Variants in RIOK3 observed in about 807,000 individuals in gnomAD.
RIOK3 encodes serine/threonine-protein kinase RIO3.
RIOK3 carries 40 observed loss-of-function variants against 63.5 expected under a neutral mutation model. That is an observed-to-expected ratio of 0.63 (90% CI 0.49 to 0.82). The LOEUF is 0.82. RIOK3 is among the 40% of genes least tolerant of loss of function. The pLI, the probability that RIOK3 is intolerant of heterozygous loss-of-function variation, is 0.00. For synonymous variants in RIOK3, 193 were observed against 205.0 expected (o/e 0.94, Z 0.50); for missense variants, 557 against 637.0 (o/e 0.87, Z 1.35).
At chr18:23,465,435 T>C (rs2057400502) in intron 5 of RIOK3, among the ~76,000 whole-genome samples, 1 of 152,190 alleles carries the variant, frequency 6.6e-6, no homozygotes, top group Non-Finnish European at 1.5e-5. Flanking sequence ...ATATAATATA[T>C]TAAACATTTA....
In RIOK3 at chr18:23,467,389, T is replaced by C. The variant is rs1363600943; in HGVS notation, c.688-10T>C. ...AGTCATTTTCACTTACAGTGCTTTA[T>C]CTCTTGCAGGAAAAAGCAGTTGATC... On this transcript the variant is annotated splice_polypyrimidine_tract_variant and intron_variant, in intron 6 of 12. Coordinates refer to ENST00000339486, the MANE Select transcript of RIOK3 (RefSeq NM_003831.5). The C allele has an allele frequency of 6.2e-7, 1 of 1,609,728 alleles. No individual in the cohort carries two copies. Among genetic ancestry groups the C allele is most frequent in the South Asian group, 1.1e-5 (1 of 90,020 alleles).
In RIOK3 at chr18:23,458,558, C is replaced by G. The variant is rs144445801; in HGVS notation, c.64-4406C>G. The stretch of plus-strand genomic sequence containing the variant: ...TGGGGTGTCCCATCAGATTGTGACA[C>G]TATAGGGAGTTTGTGTTGATGAATG... On this transcript the variant is annotated intron_variant, in intron 1 of 12. Transcript: ENST00000339486. Among the ~76,000 whole-genome samples the G allele has an allele frequency of 2.8e-3, 427 of 152,268 alleles. 3 individuals are homozygous for G. The highest frequency in any genetic ancestry group is 9.8e-3 in the African/African-American group (407 of 41,564).
chr18:23,469,823 C>T (rs2057444196), intron 7 of RIOK3, among the ~76,000 whole-genome samples: 1 of 152,058 alleles, frequency 6.6e-6, no homozygotes. Flanking sequence ...GTTGGTCAGG[C>T]AATCAACAAT....
intron 1 of RIOK3, among the ~76,000 whole-genome samples, chr18:23,457,312 AAAAT>A (rs1250327055): frequency 1.3e-5 from 2 of 152,216 alleles, no homozygotes; most frequent in Non-Finnish European, 2.9e-5. Context: ...AGTTGTAAAA[AAAAT>A]AAATAAATAG....
At chr18:23,456,087 C>T (rs1451194324) in intron 1 of RIOK3, among the ~76,000 whole-genome samples, 3 of 152,098 alleles carry the variant, frequency 2.0e-5, no homozygotes, top group African/African-American at 4.8e-5. Context: ...TGAGCCACCG[C>T]GCCCAGCCAA....
At chr18:23,465,926 C>T (rs1183862328) in intron 5 of RIOK3, among the ~76,000 whole-genome samples, 2 of 152,152 alleles carry the variant, frequency 1.3e-5, no homozygotes, top group Non-Finnish European at 2.9e-5. Flanking sequence ...GGAATAAATG[C>T]CTTCCTTTGG....
intron 7 of RIOK3, among the ~76,000 whole-genome samples, chr18:23,469,423 TCTCTCTCCCTCTC>T (rs1254101680): frequency 1.4e-4 from 17 of 125,654 alleles, no homozygotes; most frequent in Non-Finnish European, 2.4e-4. Flanking sequence ...TCTCTCTCTC[TCTCTCTCCCTCTC>T]CTCTCTCCTC....
intron 7 of RIOK3, among the ~76,000 whole-genome samples, chr18:23,469,718 C>A (rs1385970984): frequency 1.3e-5 from 2 of 151,864 alleles, no homozygotes; most frequent in Non-Finnish European, 2.9e-5. Flanking sequence ...AAATTCCTGA[C>A]CTTGTGATCC....
Position 23,463,776 on chromosome 18 carries a change from C to A in RIOK3, c.180-191C>A, listed in dbSNP as rs143760123. ...AGCTTTCTCTCCCAGTTCTCTTAATCCTAGTTGGTACTCCCACAGGTGCAT... is the reference window on the plus strand; with the variant it reads ...AGCTTTCTCTCCCAGTTCTCTTAATACTAGTTGGTACTCCCACAGGTGCAT... On this transcript the variant is annotated intron_variant, in intron 2 of 12. Transcript: ENST00000339486. Among the ~76,000 whole-genome samples the A allele has an allele frequency of 2.8e-3, 422 of 152,272 alleles. 3 individuals carry two copies. The highest frequency in any genetic ancestry group is 0.012 in the South Asian group (60 of 4,826).
chr18:23,474,884 T>C, intron 8 of RIOK3, 64 bp from the exon 9 acceptor site: 1 of 1,250,074 alleles, frequency 8.0e-7, no homozygotes, highest in Non-Finnish European at 1.1e-6. Flanking sequence ...AGATATTTAT[T>C]GAATAAATGA....
At chr18:23,477,367 T>C (rs2057498790) in intron 11 of RIOK3, 99 bp downstream of exon 11, 4 of 914,942 alleles carry the variant, frequency 4.4e-6, no homozygotes, top group Middle Eastern at 2.3e-4. Flanking sequence ...TTCTTAGAAA[T>C]TGAAGGAAGG....
At position 23,471,175 on chromosome 18, in the gene RIOK3, TAGTTA is replaced by T. The variant is rs150750918; in HGVS notation, c.816-2252_816-2248del. Among the ~76,000 whole-genome samples, 1,422 of 152,312 alleles carry T rather than the reference TAGTTA, an allele frequency of 9.3e-3. 25 individuals are homozygous for T. Among genetic ancestry groups the T allele is most frequent in the African/African-American group, 0.033 (1,366 of 41,566 alleles). On this transcript the variant is annotated intron_variant, in intron 7 of 12. Coordinates refer to ENST00000339486, the MANE Select transcript of RIOK3 (RefSeq NM_003831.5). ...AAATATCAGATATATGCTATGCAGA[TAGTTA>T]AAATAGGATGATGTCATAGTGACAG...
intron 9 of RIOK3, among the ~76,000 whole-genome samples, chr18:23,476,036 C>G (rs1706468626): frequency 6.7e-6 from 1 of 149,510 alleles, no homozygotes; most frequent in Admixed American, 6.7e-5. Context: ...ATCCTCTTGC[C>G]TCAGCATCCC....
intron 1 of RIOK3, among the ~76,000 whole-genome samples, chr18:23,455,378 C>CT (rs11305782): frequency 9.4e-4 from 130 of 138,786 alleles, no homozygotes; most frequent in Middle Eastern, 3.7e-3. Context: ...CAACGTCTTT[C>CT]TTTTTTTTTT....
intron 7 of RIOK3, among the ~76,000 whole-genome samples, chr18:23,470,015 G>C (rs2057445498): frequency 6.6e-6 from 1 of 152,096 alleles, no homozygotes; most frequent in Non-Finnish European, 1.5e-5. Flanking sequence ...TATGGGATAG[G>C]AATAGCGAAT....
chr18:23,455,495 C>T (rs933762558), intron 1 of RIOK3, among the ~76,000 whole-genome samples: 6 of 150,778 alleles, frequency 4.0e-5, no homozygotes, highest in Non-Finnish European at 7.4e-5. Flanking sequence ...TGGGTTCAAG[C>T]GATTCTCCTG....
intron 7 of RIOK3, among the ~76,000 whole-genome samples, chr18:23,469,322 T>C (rs1407856456): frequency 2.0e-4 from 6 of 30,562 alleles, no homozygotes; most frequent in African/African-American, 9.1e-4. Context: ...TCTCTCTCTC[T>C]CTCTCTCTCT....
chr18:23,474,815 C>T (rs1406460528), intron 8 of RIOK3, 133 bp from the exon 9 acceptor site: 2 of 648,108 alleles, frequency 3.1e-6, no homozygotes, highest in African/African-American at 1.8e-5. Flanking sequence ...GTTTTACTGT[C>T]TTTGTATTCC....
In RIOK3 at chr18:23,477,069, C is replaced by T; in HGVS notation, c.1237C>T (p.Leu413=). The T allele has an allele frequency of 6.2e-7, 1 of 1,613,918 alleles. No homozygotes were observed. Among genetic ancestry groups the T allele is most frequent in the Non-Finnish European group, 8.5e-7 (1 of 1,179,850 alleles). ...VHADLSEYNM[L]WHAGKVWLID... The stretch of plus-strand genomic sequence containing the variant: ...TGCTGACCTCAGTGAGTATAACATG[C>T]TGTGGCATGCTGGAAAGGTGAGGAG... Residue 413 remains leucine (L), a synonymous_variant, in exon 10 of 13, where the codon CTG becomes TTG. Transcript: ENST00000339486.
Sources: gnomAD v4.1 joint callset for allele counts (sites outside exome capture counted in the v4.1 genomes callset) on GRCh38, gnomAD v4.1.1 for gene constraint, MANE v1.5 for transcripts, NCBI Gene and HGNC (gene_info 2026-07-23, HGNC 2026-07-21) for gene names.